Variants in RIT2 observed in about 807,000 individuals in gnomAD.
The protein encoded by RIT2 is Ras like without CAAX 2.
A neutral mutation model predicts 23.7 loss-of-function variants in RIT2; 24 were observed. The ratio of observed to expected loss-of-function variants is 1.01; its 90% CI spans 0.73 to 1.43. The LOEUF (loss-of-function observed/expected upper bound fraction) is 1.43, where lower values mean the gene tolerates loss of function less well. Among genes scored for constraint, RIT2 ranks in the 40% most tolerant of loss-of-function variants. RIT2 has a pLI of 0.00. For missense variants in RIT2, 236 were observed against 266.9 expected, an observed-to-expected ratio of 0.88 and a Z score of 0.81; for synonymous variants, 107 against 91.1, an observed-to-expected ratio of 1.17 and a Z score of -0.99.
intron 2 of RIT2, among the ~76,000 whole-genome samples, chr18:43,013,330 T>C (rs1171235217): frequency 1.3e-5 from 2 of 151,840 alleles, no homozygotes; most frequent in African/African-American, 4.8e-5. Flanking sequence ...ATAGTTTGCA[T>C]GTAAGTAATG....
At chr18:42,854,501 TACC>T (rs1907133628) in intron 4 of RIT2, among the ~76,000 whole-genome samples, 1 of 152,152 alleles carries the variant, frequency 6.6e-6, no homozygotes, top group Admixed American at 6.5e-5. Context: ...CCTCCTTCCA[TACC>T]CAGAATGCTC....
intron 4 of RIT2, among the ~76,000 whole-genome samples, chr18:42,889,869 T>A (rs1359628179): frequency 6.6e-6 from 1 of 152,054 alleles, no homozygotes; most frequent in African/African-American, 2.4e-5. Context: ...CATCAAATAC[T>A]TTCAAGTAGG....
At chr18:42,850,363 G>A (rs921805513) in intron 4 of RIT2, among the ~76,000 whole-genome samples, 1 of 152,118 alleles carries the variant, frequency 6.6e-6, no homozygotes, top group Non-Finnish European at 1.5e-5. Flanking sequence ...TATCTAAATT[G>A]CTTGAACATG....
chr18:42,804,577 A>G (rs1313184447), intron 4 of RIT2, among the ~76,000 whole-genome samples: 2 of 149,280 alleles, frequency 1.3e-5, no homozygotes, highest in Non-Finnish European at 2.9e-5. Flanking sequence ...AAAAAAAAAA[A>G]AAAAAAAAAT....
chr18:43,048,715 C>G (rs1912308897), intron 1 of RIT2, among the ~76,000 whole-genome samples: 1 of 152,100 alleles, frequency 6.6e-6, no homozygotes, highest in Admixed American at 6.6e-5. Context: ...TCATCATGGT[C>G]TCAGGGTCTA....
intron 3 of RIT2, among the ~76,000 whole-genome samples, chr18:42,928,613 GA>G (rs1311051704): frequency 1.3e-5 from 2 of 151,794 alleles, no homozygotes; most frequent in Non-Finnish European, 1.5e-5. Context: ...TGAAAATACA[GA>G]AAAAATTATA....
At chr18:43,096,800 A>C (rs1432611488) in intron 1 of RIT2, among the ~76,000 whole-genome samples, 3 of 151,992 alleles carry the variant, frequency 2.0e-5, no homozygotes, top group Non-Finnish European at 4.4e-5. Context: ...AAGTTATATA[A>C]AACTAAAATT....
chr18:43,076,326 A>G (rs186754141), intron 1 of RIT2, among the ~76,000 whole-genome samples: 17 of 152,276 alleles, frequency 1.1e-4, no homozygotes, highest in African/African-American at 4.1e-4. Context: ...GCATAACTAC[A>G]GTATTCTTTC....
chr18:42,950,071 C>A (rs1246136140), intron 3 of RIT2, among the ~76,000 whole-genome samples: 1 of 152,082 alleles, frequency 6.6e-6, no homozygotes, highest in African/African-American at 2.4e-5. Context: ...GCCTATTTTA[C>A]TTCTTCCAAC....
intron 4 of RIT2, chr18:42,923,247 G>C (rs1377012432): frequency 4.8e-6 from 1 of 206,984 alleles, no homozygotes; most frequent in Non-Finnish European, 9.6e-6. Flanking sequence ...AGGGTAAGCA[G>C]TTCAAGCGGC....
In RIT2 at chr18:42,983,997, C is replaced by T. The variant is rs142404049; in HGVS notation, c.161-9850G>A. Among the ~76,000 whole-genome samples, 401 of 152,170 alleles carry T rather than the reference C, an allele frequency of 2.6e-3. 2 individuals carry two copies. The highest frequency in any genetic ancestry group is 9.1e-3 in the African/African-American group (380 of 41,568). ...ATCATGCATGTATCATACAGAGCAA[C>T]AATTGCATTCTATATGTATCATATA... is the stretch of plus-strand genomic sequence containing the variant. On this transcript the variant is annotated intron_variant, in intron 2 of 4. Coordinates refer to ENST00000326695, the MANE Select transcript of RIT2 (RefSeq NM_002930.4).
chr18:43,115,004 A>C (rs77126633), intron 1 of RIT2, among the ~76,000 whole-genome samples: 1,540 of 152,214 alleles, frequency 0.01, 45 homozygotes, highest in African/African-American at 0.035. Flanking sequence ...CATCATCCCG[A>C]GTATATGTCT....
chr18:43,049,826 A>G (rs1216212566), intron 1 of RIT2, among the ~76,000 whole-genome samples: 1 of 151,964 alleles, frequency 6.6e-6, no homozygotes, highest in Non-Finnish European at 1.5e-5. Context: ...AATTCAGTAT[A>G]GATGGAGCTC....
At chr18:42,814,037 G>T (rs1167101873) in intron 4 of RIT2, among the ~76,000 whole-genome samples, 1 of 142,228 alleles carries the variant, frequency 7.0e-6, no homozygotes, top group Non-Finnish European at 1.5e-5. Flanking sequence ...GTGAAATACA[G>T]GGGTAGAGGA....
chr18:42,929,115 A>T (rs1909264491), intron 3 of RIT2, among the ~76,000 whole-genome samples: 1 of 148,466 alleles, frequency 6.7e-6, no homozygotes, highest in Non-Finnish European at 1.5e-5. Flanking sequence ...GAGGAGACAG[A>T]GTTTGATTTA....
intron 4 of RIT2, among the ~76,000 whole-genome samples, chr18:42,915,893 T>C (rs539587876): frequency 2.0e-5 from 3 of 151,922 alleles, no homozygotes; most frequent in East Asian, 3.9e-4. Flanking sequence ...GCATATATAG[T>C]ATATATACAC....
At chr18:42,942,631 T>A (rs142295003) in intron 3 of RIT2, among the ~76,000 whole-genome samples, 1 of 152,182 alleles carries the variant, frequency 6.6e-6, no homozygotes, top group East Asian at 1.9e-4. Context: ...TCCTTCCATA[T>A]GCCAAAGCTG....
intron 1 of RIT2, among the ~76,000 whole-genome samples, chr18:43,063,921 C>T (rs146738247): frequency 3.3e-4 from 50 of 152,266 alleles, no homozygotes; most frequent in African/African-American, 1.1e-3. Flanking sequence ...CTCCTCATTA[C>T]AGAATTCCAG....
intron 1 of RIT2, among the ~76,000 whole-genome samples, chr18:43,079,278 G>GT (rs1283180068): frequency 6.6e-6 from 1 of 151,978 alleles, no homozygotes; most frequent in Admixed American, 6.6e-5. Context: ...TGTGTTTTTT[G>GT]TTTTTTGATT....
Sources: gnomAD v4.1 joint callset for allele counts (sites outside exome capture counted in the v4.1 genomes callset) on GRCh38, gnomAD v4.1.1 for gene constraint, MANE v1.5 for transcripts, NCBI Gene and HGNC (gene_info 2026-07-23, HGNC 2026-07-21) for gene names.